The following CHD2 variants were observed in gnomAD, a reference collection of about 807,000 sequenced individuals.
The protein encoded by CHD2 is chromodomain helicase DNA binding protein 2.
In CHD2, 28 loss-of-function variants were observed where a neutral mutation model predicts 243.9. That is an observed-to-expected ratio of 0.11 (90% CI 0.09 to 0.16). The LOEUF (loss-of-function observed/expected upper bound fraction) is 0.16, where lower values mean the gene tolerates loss of function less well. CHD2 is among the 10% of genes least tolerant of loss of function. CHD2 has a pLI of 1.00. For missense variants in CHD2, 1,386 were observed against 2,209.8 expected (o/e 0.63, Z 7.47); for synonymous variants, 775 against 779.0 (o/e 0.99, Z 0.09).
Position 93,013,882 on chromosome 15 carries a change from C to G in CHD2, c.4693-814C>G, listed in dbSNP as rs1424428082. On this transcript the variant is annotated intron_variant, in intron 36 of 38. Coordinates refer to ENST00000394196, the MANE Select transcript of CHD2 (RefSeq NM_001271.4). Reference sequence around the variant, plus strand: ...ACCAGGAGGTGGAGGTAGCAGTGAGCTGAGATGGCATCACTGAATGCCTGC... The same window carrying G: ...ACCAGGAGGTGGAGGTAGCAGTGAGGTGAGATGGCATCACTGAATGCCTGC... 4.1e-5 allele frequency among the ~76,000 whole-genome samples: 5 copies of G among 121,540 alleles called. No individual in the cohort carries two copies. The Admixed American group carries it at 5.8e-4, about 14-fold the overall frequency. 79.7% of individuals were successfully genotyped at this position (121,540 alleles called of 152,430 possible).
At chr15:92,966,471 A>G (rs2053765236) in intron 16 of CHD2, among the ~76,000 whole-genome samples, 1 of 152,192 alleles carries the variant, frequency 6.6e-6, no homozygotes, top group African/African-American at 2.4e-5. Context: ...GAGAAAATAC[A>G]GTTTACCTTA....
At chr15:92,915,919 CCT>C (rs1879749417) in intron 2 of CHD2, among the ~76,000 whole-genome samples, 3 of 152,254 alleles carry the variant, frequency 2.0e-5, no homozygotes, top group Middle Eastern at 6.8e-3. Flanking sequence ...AAAGCCATCC[CCT>C]CTGTTCACCT....
At chr15:92,955,298 A>G in intron 14 of CHD2, 125 bp from the exon 15 acceptor site, 1 of 554,228 alleles carries the variant, frequency 1.8e-6, no homozygotes, top group South Asian at 3.0e-5. Context: ...AATGTGAGAT[A>G]TTCATTGAAT....
At chr15:93,020,337 A>C (rs771299403) in intron 38 of CHD2, 79 bp downstream of exon 38, 2 of 1,540,954 alleles carry the variant, frequency 1.3e-6, no homozygotes, top group Non-Finnish European at 1.8e-6. Flanking sequence ...GTATACATGA[A>C]TGTATTTATC....
intron 24 of CHD2, among the ~76,000 whole-genome samples, chr15:92,983,203 T>C (rs187481819): frequency 6.6e-6 from 1 of 152,298 alleles, no homozygotes; most frequent in African/African-American, 2.4e-5. Flanking sequence ...TTCAGTCCAT[T>C]GCACTGTTTC....
chr15:92,966,179 T>A (rs932242758), intron 16 of CHD2, among the ~76,000 whole-genome samples: 4 of 151,044 alleles, frequency 2.6e-5, no homozygotes, highest in African/African-American at 9.7e-5. Context: ...TTCTCCTGCC[T>A]CAGCCTCCTG....
At chr15:93,004,514 C>A in intron 33 of CHD2, 103 bp from the exon 34 acceptor site, 1 of 1,073,696 alleles carries the variant, frequency 9.3e-7, no homozygotes, top group Non-Finnish European at 1.3e-6. Context: ...AAACTGAGAC[C>A]ATCATATTTA....
chr15:92,948,251 C>T (rs2053501931), intron 12 of CHD2, among the ~76,000 whole-genome samples: 1 of 151,998 alleles, frequency 6.6e-6, no homozygotes, highest in Admixed American at 6.5e-5. Flanking sequence ...TTTACAAATC[C>T]TGTTATGGTG....
chr15:92,909,770 A>G (rs1166703384), intron 2 of CHD2, among the ~76,000 whole-genome samples: 2 of 150,586 alleles, frequency 1.3e-5, no homozygotes, highest in Non-Finnish European at 3.0e-5. Flanking sequence ...GCTCACCTAG[A>G]CCTCCGAAAG....
At chr15:92,931,046 G>A (rs1228148949) in intron 5 of CHD2, among the ~76,000 whole-genome samples, 1 of 152,178 alleles carries the variant, frequency 6.6e-6, no homozygotes, top group African/African-American at 2.4e-5. Flanking sequence ...TCTTGTAGCT[G>A]CTGACACTCA....
At chr15:92,916,292 A>G (rs1487625868) in intron 2 of CHD2, among the ~76,000 whole-genome samples, 2 of 152,222 alleles carry the variant, frequency 1.3e-5, no homozygotes, top group Admixed American at 1.3e-4. Flanking sequence ...TTGGCAAAAT[A>G]AACTTTCTAA....
At position 93,001,999 on chromosome 15, in the gene CHD2, A is replaced by G. The variant is rs185289304; in HGVS notation, c.4138-178A>G. The stretch of plus-strand genomic sequence containing the variant: ...AAAGAGCTTCTGCCTCTACAGTTGT[A>G]ACTGGTTATTACTGGAAAGTTTAGA... On this transcript the variant is annotated intron_variant, in intron 32 of 38. Coordinates refer to ENST00000394196, the MANE Select transcript of CHD2 (RefSeq NM_001271.4). Among the ~76,000 whole-genome samples the G allele has an allele frequency of 1.2e-3, 183 of 152,324 alleles. 1 individual carries two copies. The highest frequency in any genetic ancestry group is 3.4e-3 in the Middle Eastern group (1 of 294).
intron 16 of CHD2, among the ~76,000 whole-genome samples, chr15:92,960,542 G>C (rs1290517599): frequency 1.3e-5 from 2 of 151,890 alleles, no homozygotes; most frequent in Admixed American, 1.3e-4. Flanking sequence ...ATGTGGTTTT[G>C]TCCTTTAACA....
At chr15:92,986,362 A>G (rs1447375387) in intron 26 of CHD2, among the ~76,000 whole-genome samples, 2 of 152,188 alleles carry the variant, frequency 1.3e-5, no homozygotes, top group East Asian at 1.9e-4. Context: ...GGCCTAATCC[A>G]TATTATAATT....
At position 92,988,607 on chromosome 15, in the gene CHD2, T is replaced by C. The variant is rs149600783; in HGVS notation, c.3414-2869T>C. Among the ~76,000 whole-genome samples the C allele has an allele frequency of 2.0e-5, 3 of 152,366 alleles. No individual in the cohort carries two copies. In the East Asian group the frequency reaches 5.8e-4, roughly 29 times the overall value. ...AATGGATTCTCTATTTTGGCTTAGC[T>C]CGCACTGTTAATTTCATCTTCATTT... On this transcript the variant is annotated intron_variant, in intron 26 of 38. Transcript: ENST00000394196.
Position 92,969,240 on chromosome 15 carries a change from G to C in CHD2, c.2189+1727G>C, listed in dbSNP as rs907108668. 2.0e-5 allele frequency among the ~76,000 whole-genome samples: 3 copies of C among 152,220 alleles called. No individual in the cohort carries two copies. The South Asian group carries it at 6.2e-4, about 32-fold the overall frequency. ...TGAGTTTTTATCACTTGCAATTTAA[G>C]AGTCCTGGCTAATATTCTGTTGCCT... On this transcript the variant is annotated intron_variant, in intron 17 of 38. Transcript: ENST00000394196.
intron 34 of CHD2, 121 bp from the exon 35 acceptor site, chr15:93,009,024 C>G (rs2054357841): frequency 8.8e-7 from 1 of 1,136,760 alleles, no homozygotes; most frequent in South Asian, 1.6e-5. Context: ...TTTACCCACT[C>G]TTCCTCTAGC....
chr15:92,993,633 C>A (rs930962268), intron 28 of CHD2, among the ~76,000 whole-genome samples: 1 of 152,106 alleles, frequency 6.6e-6, no homozygotes, highest in Non-Finnish European at 1.5e-5. Context: ...AGGACACCCT[C>A]ATAGTGAACT....
At chr15:92,934,349 AATCT>A (rs530503633) in intron 5 of CHD2, among the ~76,000 whole-genome samples, 235 of 152,322 alleles carry the variant, frequency 1.5e-3, no homozygotes, top group African/African-American at 5.1e-3. Flanking sequence ...CTCTTGGCTA[AATCT>A]TGGTATTTTT....
Sources: allele counts gnomAD v4.1 joint callset (sites outside exome capture counted in the v4.1 genomes callset), GRCh38; gene constraint gnomAD v4.1.1; transcripts MANE v1.5; gene names NCBI Gene and HGNC (gene_info 2026-07-23, HGNC 2026-07-21).